TMTC2: variants seen among roughly 807,000 people sequenced by gnomAD.
TMTC2 encodes protein O-mannosyl-transferase TMTC2.
In TMTC2, 43 loss-of-function variants were observed where a neutral mutation model predicts 82.4. That is an observed-to-expected ratio of 0.52 (90% CI 0.41 to 0.67). TMTC2 has a LOEUF of 0.67. Ranked by LOEUF, TMTC2 falls within the 30% of genes least tolerant of loss-of-function variation. The probability of loss-of-function intolerance (pLI) is 0.00; values close to 1 mark genes in which losing one functional copy is unlikely to be tolerated. For synonymous variants in TMTC2, 408 were observed against 381.9 expected, an observed-to-expected ratio of 1.07 and a Z score of -0.80; for missense variants, 919 against 1,012.4, an observed-to-expected ratio of 0.91 and a Z score of 1.25.
chr12:82,928,709 C>G (rs554859022), intron 3 of TMTC2, among the ~76,000 whole-genome samples: 3 of 152,172 alleles, frequency 2.0e-5, no homozygotes, highest in Non-Finnish European at 4.4e-5. Flanking sequence ...TTTAGTGCCT[C>G]TGTCTCCTCA....
chr12:83,127,213 C>A lies in TMTC2; in HGVS notation c.2332-4997C>A, dbSNP rs139226007. On this transcript the variant is annotated intron_variant, in intron 11 of 11. Coordinates refer to ENST00000321196, the MANE Select transcript of TMTC2 (RefSeq NM_152588.3). ...GTGTTGTGTATTAATTGAGTAATAA[C>A]TAGGTAAGGCTAACTTCAGTCACTC... Among the ~76,000 whole-genome samples the A allele has an allele frequency of 2.5e-3, 380 of 152,154 alleles. 1 individual carries two copies. The highest frequency in any genetic ancestry group is 0.01 in the Middle Eastern group (3 of 294).
chr12:83,074,749 G>A (rs527689501), intron 11 of TMTC2, among the ~76,000 whole-genome samples: 1 of 152,196 alleles, frequency 6.6e-6, no homozygotes, highest in Non-Finnish European at 1.5e-5. Context: ...GTTTCCAGGT[G>A]GAGGGCGTGA....
intron 1 of TMTC2, among the ~76,000 whole-genome samples, chr12:82,774,427 C>G (rs1291068800): frequency 1.3e-5 from 2 of 151,978 alleles, no homozygotes; most frequent in Non-Finnish European, 2.9e-5. Context: ...TTGAGGACAG[C>G]CTGGCCAACA....
At chr12:82,819,003 G>T (rs1868916927) in intron 1 of TMTC2, among the ~76,000 whole-genome samples, 1 of 151,818 alleles carries the variant, frequency 6.6e-6, no homozygotes, top group South Asian at 2.1e-4. Flanking sequence ...TTTACAGTAG[G>T]TACAAAGTAA....
intron 4 of TMTC2, among the ~76,000 whole-genome samples, chr12:82,933,644 G>A (rs527754312): frequency 7.9e-5 from 12 of 152,278 alleles, no homozygotes; most frequent in South Asian, 4.1e-4. Flanking sequence ...GTTTATGACA[G>A]AGGCCTAGAA....
chr12:82,899,770 A>AAT (rs905988730), intron 3 of TMTC2, among the ~76,000 whole-genome samples: 11 of 145,640 alleles, frequency 7.6e-5, no homozygotes, highest in Admixed American at 6.4e-4. Flanking sequence ...ATATATGTGG[A>AAT]ATATATATAT....
At chr12:83,076,398 C>T (rs1883283788) in intron 11 of TMTC2, among the ~76,000 whole-genome samples, 1 of 152,156 alleles carries the variant, frequency 6.6e-6, no homozygotes, top group African/African-American at 2.4e-5. Flanking sequence ...TTTCTTTTTA[C>T]TCACATTTCT....
At chr12:82,956,577 C>T (rs565930437) in intron 4 of TMTC2, among the ~76,000 whole-genome samples, 1 of 152,142 alleles carries the variant, frequency 6.6e-6, no homozygotes, top group East Asian at 1.9e-4. Flanking sequence ...AGCCTCCCTC[C>T]CAAGTAGCTG....
intron 1 of TMTC2, among the ~76,000 whole-genome samples, chr12:82,801,665 A>G (rs953232607): frequency 6.6e-5 from 10 of 152,046 alleles, no homozygotes; most frequent in Non-Finnish European, 1.2e-4. Context: ...TGGTGCACCT[A>G]CAAACCTTGA....
intron 1 of TMTC2, among the ~76,000 whole-genome samples, chr12:82,847,395 A>G (rs1333021627): frequency 2.0e-5 from 3 of 152,184 alleles, no homozygotes; most frequent in Non-Finnish European, 4.4e-5. Flanking sequence ...ATCAGTACCA[A>G]TCATCTCTAA....
intron 3 of TMTC2, among the ~76,000 whole-genome samples, chr12:82,913,177 T>C (rs1292065734): frequency 6.6e-6 from 1 of 152,184 alleles, no homozygotes; most frequent in African/African-American, 2.4e-5. Context: ...TTTTAAAATT[T>C]CTTTTGCCAT....
At chr12:82,880,701 A>T (rs1013651796) in intron 2 of TMTC2, among the ~76,000 whole-genome samples, 1 of 152,212 alleles carries the variant, frequency 6.6e-6, no homozygotes, top group African/African-American at 2.4e-5. Flanking sequence ...AGTTAGGGAG[A>T]GTTCACTAAA....
intron 2 of TMTC2, among the ~76,000 whole-genome samples, chr12:82,871,762 A>C (rs1872191304): frequency 6.7e-6 from 1 of 149,630 alleles, no homozygotes; most frequent in Admixed American, 6.7e-5. Context: ...TTAGGTTTAG[A>C]GTCGGTGTCC....
At chr12:82,885,051 A>G (rs1472100067) in intron 2 of TMTC2, among the ~76,000 whole-genome samples, 1 of 146,672 alleles carries the variant, frequency 6.8e-6, no homozygotes, top group East Asian at 2.0e-4. Context: ...AAGCCACCAC[A>G]CCTGGCTGAT....
chr12:83,020,966 A>T (rs1220593434), intron 8 of TMTC2, among the ~76,000 whole-genome samples: 1 of 152,196 alleles, frequency 6.6e-6, no homozygotes, highest in African/African-American at 2.4e-5. Context: ...GCAACAGCTC[A>T]GTTTGAATTA....
chr12:82,705,795 G>A (rs557516641), intron 1 of TMTC2, among the ~76,000 whole-genome samples: 1 of 152,238 alleles, frequency 6.6e-6, no homozygotes, highest in East Asian at 1.9e-4. Context: ...AGATATTGGG[G>A]GCAGTGACTC....
chr12:83,099,724 CT>C (rs140078833), intron 11 of TMTC2, among the ~76,000 whole-genome samples: 241 of 147,264 alleles, frequency 1.6e-3, no homozygotes, highest in Middle Eastern at 6.9e-3. Context: ...ATGTTTTACC[CT>C]TTTTTTTTTA....
intron 11 of TMTC2, among the ~76,000 whole-genome samples, chr12:83,117,814 T>C (rs1884811794): frequency 6.6e-6 from 1 of 152,192 alleles, no homozygotes; most frequent in Non-Finnish European, 1.5e-5. Flanking sequence ...TTTGTTTGTG[T>C]CATCTATGAT....
intron 3 of TMTC2, among the ~76,000 whole-genome samples, chr12:82,912,817 A>G (rs1874758639): frequency 6.6e-6 from 1 of 151,750 alleles, no homozygotes; most frequent in Non-Finnish European, 1.5e-5. Context: ...GCATACCTGT[A>G]GTTGCAGCTA....
Sources: allele counts gnomAD v4.1 joint callset (sites outside exome capture counted in the v4.1 genomes callset), GRCh38; gene constraint gnomAD v4.1.1; transcripts MANE v1.5; gene names NCBI Gene and HGNC (gene_info 2026-07-23, HGNC 2026-07-21).